Variants in ABLIM3 observed in about 807,000 individuals in gnomAD.
The protein encoded by ABLIM3 is actin-binding LIM protein 3.
A neutral mutation model predicts 109.5 loss-of-function variants in ABLIM3; 61 were observed. The observed-to-expected ratio is 0.56, with a 90% confidence interval of 0.45 to 0.69. The LOEUF is 0.69. ABLIM3 is among the 30% of genes least tolerant of loss of function. ABLIM3 has a pLI of 0.00. For synonymous variants in ABLIM3, 300 were observed against 324.8 expected (o/e 0.92, Z 0.82); for missense variants, 796 against 889.5 (o/e 0.89, Z 1.34).
chr5:149,191,711 T>G (rs759530186), intron 3 of ABLIM3, among the ~76,000 whole-genome samples: 17 of 152,112 alleles, frequency 1.1e-4, no homozygotes, highest in Non-Finnish European at 2.2e-4. Context: ...AAGTTGAGTT[T>G]ATTCTAGAAA....
chr5:149,247,256 G>A (rs1430518940), intron 17 of ABLIM3, among the ~76,000 whole-genome samples: 2 of 152,208 alleles, frequency 1.3e-5, no homozygotes, highest in African/African-American at 4.8e-5. Flanking sequence ...CAAATCCATA[G>A]AGACAGAACA....
rs1414538930 is a variant in ABLIM3, at chr5:149,240,747, C to G, written c.1276C>G (p.Gln426Glu). ...DVRSSTPTSY[Q>E]APKHFHIPAG... ...GAGGTCCTCCACTCCAACCTCTTAC[C>G]AGGCTCCCAAGCACTTTCACATCCC... is the stretch of plus-strand genomic sequence containing the variant. Residue 426 changes from glutamine (Q) to glutamate (E), a missense_variant, in exon 14 of 24, where the codon CAG becomes GAG. By Grantham distance (29) the Gln-to-Glu change is conservative. Coordinates refer to ENST00000309868, the MANE Select transcript of ABLIM3 (RefSeq NM_014945.5). The G allele has an allele frequency of 1.9e-6, 3 of 1,614,150 alleles. No individual in the cohort carries two copies. Among genetic ancestry groups the G allele is most frequent in the South Asian group, 1.1e-5 (1 of 91,084 alleles).
At chr5:149,168,938 G>A (rs1033593731) in intron 2 of ABLIM3, among the ~76,000 whole-genome samples, 7 of 152,168 alleles carry the variant, frequency 4.6e-5, no homozygotes, top group African/African-American at 1.4e-4. Flanking sequence ...AGTCTGGGGT[G>A]GGGCCCAGGA....
At position 149,230,726 on chromosome 5, in the gene ABLIM3, T is replaced by C. The variant is rs1178033719; in HGVS notation, c.816+19T>C. 1 of 1,613,730 alleles carries C rather than the reference T, an allele frequency of 6.2e-7. No homozygotes were observed. On this transcript the variant is annotated intron_variant, in intron 9 of 23. Transcript: ENST00000309868. ...GTTAAAGGTAAGCAAGCTAGTAGAT[T>C]CCAGACCAGCACTCCTGCTTTGCTA...
At chr5:149,199,120 AGT>A (rs752524465) in intron 4 of ABLIM3, 17 of 456,584 alleles carry the variant, frequency 3.7e-5, no homozygotes, top group South Asian at 2.6e-4. Flanking sequence ...TAATTCAGCA[AGT>A]GTACGTTAAG....
At chr5:149,205,787 G>C (rs975070803) in intron 5 of ABLIM3, among the ~76,000 whole-genome samples, 3 of 152,182 alleles carry the variant, frequency 2.0e-5, no homozygotes, top group Non-Finnish European at 4.4e-5. Context: ...ATGTTAGAAA[G>C]GCACGCAACA....
intron 2 of ABLIM3, among the ~76,000 whole-genome samples, chr5:149,146,083 A>C (rs1270807647): frequency 6.6e-6 from 1 of 152,150 alleles, no homozygotes; most frequent in African/African-American, 2.4e-5. Context: ...TGCCCAGCCC[A>C]CTTCTATGTC....
At chr5:149,241,486 C>T (rs968853267) in intron 14 of ABLIM3, among the ~76,000 whole-genome samples, 3 of 152,178 alleles carry the variant, frequency 2.0e-5, no homozygotes, top group Non-Finnish European at 4.4e-5. Flanking sequence ...AGGGGCCTGG[C>T]GTGGTCGCTC....
At chr5:149,184,552 G>A (rs1407549231) in intron 3 of ABLIM3, among the ~76,000 whole-genome samples, 1 of 152,176 alleles carries the variant, frequency 6.6e-6, no homozygotes, top group Non-Finnish European at 1.5e-5. Flanking sequence ...TTGTCCTGGA[G>A]TCTTCCTCTT....
intron 18 of ABLIM3, among the ~76,000 whole-genome samples, chr5:149,248,859 GACACACACACACACACACAC>G (rs55707887): frequency 0.35 from 50,509 of 144,636 alleles, 10,266 homozygotes; most frequent in East Asian, 0.57. Flanking sequence ...CCTATTCCTG[GACACACACACACACACACAC>G]ACACACACAC....
intron 8 of ABLIM3, among the ~76,000 whole-genome samples, chr5:149,221,282 C>T (rs17109807): frequency 0.026 from 3,969 of 152,246 alleles, 85 homozygotes; most frequent in Non-Finnish European, 0.036. Flanking sequence ...ACAAGGTCCT[C>T]ATGAACATTA....
intron 2 of ABLIM3, among the ~76,000 whole-genome samples, chr5:149,157,442 T>G (rs1753953961): frequency 6.6e-6 from 1 of 151,978 alleles, no homozygotes; most frequent in African/African-American, 2.4e-5. Context: ...TCCTTCCTCC[T>G]TCTGATTCTT....
intron 11 of ABLIM3, 87 bp from the exon 12 acceptor site, chr5:149,239,161 C>T (rs1752538461): frequency 2.2e-6 from 3 of 1,338,882 alleles, no homozygotes; most frequent in Non-Finnish European, 3.2e-6. Context: ...TCTGCCGAGC[C>T]ATCTAACCAT....
At position 149,259,694 on chromosome 5, in the gene ABLIM3, C is replaced by A; in HGVS notation, c.*1290C>A. The A allele has an allele frequency of 8.6e-7, 1 of 1,167,648 alleles. No individual in the cohort carries two copies. The highest frequency in any genetic ancestry group is 1.2e-6 in the Non-Finnish European group (1 of 815,856). 72.3% of individuals were successfully genotyped at this position (1,167,648 alleles called of 1,614,324 possible). A position where few individuals can be genotyped will look rare whatever the true frequency, so the allele number is the denominator to read the frequency against. ...AAAGCTTAACCTCTCTTCTCCTCTCCAAACCTTTCACCTTGAATGGGTAAT... is the reference window on the plus strand; with the variant it reads ...AAAGCTTAACCTCTCTTCTCCTCTCAAAACCTTTCACCTTGAATGGGTAAT... On this transcript the variant is annotated 3_prime_UTR_variant, in exon 24 of 24. Transcript: ENST00000309868.
At chr5:149,221,893 C>G (rs1393379949) in intron 8 of ABLIM3, among the ~76,000 whole-genome samples, 1 of 152,152 alleles carries the variant, frequency 6.6e-6, no homozygotes, top group Non-Finnish European at 1.5e-5. Context: ...ACCCTTCTGT[C>G]TACACCAAAT....
At chr5:149,220,046 A>G (rs1031679299) in intron 8 of ABLIM3, 2 of 152,168 alleles carry the variant, frequency 1.3e-5, no homozygotes, top group African/African-American at 4.8e-5. Context: ...CTAATATGTA[A>G]AATAGACCGA....
chr5:149,155,498 G>A (rs1339281610), intron 2 of ABLIM3, among the ~76,000 whole-genome samples: 1 of 152,206 alleles, frequency 6.6e-6, no homozygotes, highest in Non-Finnish European at 1.5e-5. Flanking sequence ...AGAGTACAGA[G>A]GAAGACAGGC....
chr5:149,214,015 G>A (rs1385751786), intron 7 of ABLIM3, among the ~76,000 whole-genome samples: 1 of 152,162 alleles, frequency 6.6e-6, no homozygotes, highest in Non-Finnish European at 1.5e-5. Flanking sequence ...CCACTTGGGG[G>A]TCTTTGAGGT....
chr5:149,256,936 C>G (rs1238295555), intron 23 of ABLIM3, among the ~76,000 whole-genome samples: 1 of 152,198 alleles, frequency 6.6e-6, no homozygotes, highest in Non-Finnish European at 1.5e-5. Flanking sequence ...GGTCCCAGCT[C>G]TACTACTTCA....
Sources: gnomAD v4.1 joint callset for allele counts (sites outside exome capture counted in the v4.1 genomes callset) on GRCh38, gnomAD v4.1.1 for gene constraint, MANE v1.5 for transcripts, NCBI Gene and HGNC (gene_info 2026-07-23, HGNC 2026-07-21) for gene names.